The following ROBO2 variants were observed in gnomAD, a reference collection of about 807,000 sequenced individuals.
The protein encoded by ROBO2 is roundabout homolog 2.
A neutral mutation model predicts 160.8 loss-of-function variants in ROBO2; 53 were observed. The ratio of observed to expected loss-of-function variants is 0.33; its 90% confidence interval spans 0.26 to 0.41. The LOEUF (loss-of-function observed/expected upper bound fraction) is 0.41, where lower values mean the gene tolerates loss of function less well. ROBO2 is among the 10% of genes least tolerant of loss of function. The probability of loss-of-function intolerance (pLI) is 1.00; values close to 1 mark genes in which losing one functional copy is unlikely to be tolerated. For missense variants in ROBO2, 1,577 were observed against 1,722.4 expected (o/e 0.92, Z 1.49); for synonymous variants, 664 against 611.7 (o/e 1.09, Z -1.26).
At chr3:77,255,493 G>C (rs1474218442) in intron 2 of ROBO2, among the ~76,000 whole-genome samples, 4 of 152,164 alleles carry the variant, frequency 2.6e-5, no homozygotes, top group African/African-American at 9.7e-5. Flanking sequence ...CCTCTGAAGT[G>C]CTGAGAGGTA....
intron 2 of ROBO2, among the ~76,000 whole-genome samples, chr3:76,104,959 A>G (rs959869618): frequency 1.3e-5 from 2 of 152,176 alleles, no homozygotes; most frequent in Admixed American, 6.5e-5. Context: ...GTTACCCAAG[A>G]ACACCTTCCA....
At chr3:76,360,560 G>A (rs1001564397) in intron 2 of ROBO2, among the ~76,000 whole-genome samples, 2 of 151,998 alleles carry the variant, frequency 1.3e-5, no homozygotes, top group Non-Finnish European at 2.9e-5. Flanking sequence ...GGGAAGGAGA[G>A]GCAAATTATA....
chr3:76,203,542 C>G (rs1310089955), intron 2 of ROBO2, among the ~76,000 whole-genome samples: 2 of 33,674 alleles, frequency 5.9e-5, no homozygotes, highest in African/African-American at 1.0e-4. Flanking sequence ...TCGGCTTCCC[C>G]CATAATTTCT....
At chr3:76,208,663 T>C (rs1702955729) in intron 2 of ROBO2, among the ~76,000 whole-genome samples, 1 of 152,100 alleles carries the variant, frequency 6.6e-6, no homozygotes, top group Non-Finnish European at 1.5e-5. Context: ...CTCTCTGAGA[T>C]TTCCTGTTCC....
At chr3:75,947,314 T>A (rs1183536854) in intron 2 of ROBO2, among the ~76,000 whole-genome samples, 3 of 152,120 alleles carry the variant, frequency 2.0e-5, no homozygotes, top group Admixed American at 6.6e-5. Context: ...AATCATAGCC[T>A]ATACATCATG....
intron 2 of ROBO2, among the ~76,000 whole-genome samples, chr3:76,363,613 C>T (rs2075649699): frequency 6.6e-6 from 1 of 151,984 alleles, no homozygotes; most frequent in Admixed American, 6.6e-5. Flanking sequence ...TGATCCTTCT[C>T]TTATGCTTGG....
At chr3:76,308,425 A>C (rs2071426331) in intron 2 of ROBO2, among the ~76,000 whole-genome samples, 1 of 151,958 alleles carries the variant, frequency 6.6e-6, no homozygotes, top group South Asian at 2.1e-4. Context: ...AGAAAAAAGA[A>C]TTATTCCTAC....
intron 2 of ROBO2, among the ~76,000 whole-genome samples, chr3:76,654,854 T>C (rs945880512): frequency 4.9e-5 from 7 of 143,432 alleles, no homozygotes; most frequent in African/African-American, 1.8e-4. Context: ...TATATATATA[T>C]ACACACACGT....
chr3:76,446,532 A>G (rs899895715), intron 2 of ROBO2, among the ~76,000 whole-genome samples: 1 of 152,152 alleles, frequency 6.6e-6, no homozygotes, highest in Non-Finnish European at 1.5e-5. Context: ...CAGAATTGGA[A>G]AAAACTACTT....
intron 2 of ROBO2, among the ~76,000 whole-genome samples, chr3:77,268,930 T>C (rs2059310000): frequency 6.6e-6 from 1 of 152,172 alleles, no homozygotes; most frequent in African/African-American, 2.4e-5. Context: ...TATTCTATGT[T>C]TGTAATAATT....
intron 2 of ROBO2, among the ~76,000 whole-genome samples, chr3:75,966,673 T>C (rs1167274508): frequency 1.3e-5 from 2 of 151,580 alleles, no homozygotes; most frequent in South Asian, 4.1e-4. Context: ...AATAAGACAA[T>C]TTGTAAAATT....
At chr3:77,014,773 T>G (rs1466492331) in intron 2 of ROBO2, among the ~76,000 whole-genome samples, 1 of 149,572 alleles carries the variant, frequency 6.7e-6, no homozygotes. Context: ...GATGGCCATT[T>G]GCAAGAGAGA....
At chr3:76,609,853 T>C (rs1228193046) in intron 2 of ROBO2, among the ~76,000 whole-genome samples, 2 of 152,186 alleles carry the variant, frequency 1.3e-5, no homozygotes, top group Non-Finnish European at 2.9e-5. Context: ...TAGCTGTGGG[T>C]CTGTCACATG....
At chr3:77,457,324 CTT>C (rs1021297764) in intron 2 of ROBO2, among the ~76,000 whole-genome samples, 20 of 152,148 alleles carry the variant, frequency 1.3e-4, no homozygotes, top group African/African-American at 4.6e-4. Context: ...TCTGTGAGCT[CTT>C]TTAGTTTTTA....
At chr3:77,209,033 A>G (rs2151079963) in intron 2 of ROBO2, among the ~76,000 whole-genome samples, 1 of 152,340 alleles carries the variant, frequency 6.6e-6, no homozygotes, top group Admixed American at 6.5e-5. Flanking sequence ...AATGATTTCA[A>G]GAAACAGATC....
chr3:76,502,886 A>G (rs948617041), intron 2 of ROBO2, among the ~76,000 whole-genome samples: 2 of 152,146 alleles, frequency 1.3e-5, no homozygotes, highest in African/African-American at 4.8e-5. Flanking sequence ...AATGTAGATG[A>G]TTTATTGCAA....
chr3:76,836,979 G>A (rs181085142), intron 2 of ROBO2, among the ~76,000 whole-genome samples: 21 of 151,718 alleles, frequency 1.4e-4, no homozygotes, highest in Admixed American at 2.6e-4. Flanking sequence ...TTTTAAAGGG[G>A]CGTTAAAATA....
intron 2 of ROBO2, among the ~76,000 whole-genome samples, chr3:77,222,192 C>T (rs1374425600): frequency 2.6e-5 from 4 of 152,104 alleles, no homozygotes; most frequent in Non-Finnish European, 5.9e-5. Flanking sequence ...CCCTCCTGTC[C>T]AAAAGCACTA....
rs2063937762 is a variant in ROBO2 at position 77,040,066 on chromosome 3, C to G, written c.-720C>G. ...CCGCCCGGCCCCTCCCTCCCTCCCT[C>G]CCTCCCTCGCTCCTTCCCTGCCTCC... is the stretch of plus-strand genomic sequence containing the variant. On this transcript the variant is annotated 5_prime_UTR_variant, in exon 1 of 26. Transcript: ENST00000461745. 5 of 512,558 alleles carry G rather than the reference C, an allele frequency of 9.8e-6. No individual in the cohort carries two copies. The South Asian group carries it at 3.4e-4, about 35-fold the overall frequency. 31.8% of individuals were successfully genotyped at this position (512,558 alleles called of 1,614,324 possible). A position where few individuals can be genotyped will look rare whatever the true frequency, so the allele number is the denominator to read the frequency against.
Sources: gnomAD v4.1 joint callset for allele counts (sites outside exome capture counted in the v4.1 genomes callset) on GRCh38, gnomAD v4.1.1 for gene constraint, MANE v1.5 for transcripts, NCBI Gene and HGNC (gene_info 2026-07-23, HGNC 2026-07-21) for gene names.